Variants in TRPC5 observed in about 807,000 individuals in gnomAD.
TRPC5 encodes short transient receptor potential channel 5.
A neutral mutation model predicts 56.5 loss-of-function variants in TRPC5; 9 were observed. That is an observed-to-expected ratio of 0.16 (90% confidence interval 0.10 to 0.28). The LOEUF is 0.28. Among genes scored for constraint, TRPC5 ranks in the 10% least tolerant of loss-of-function variants. The pLI, the probability that TRPC5 is intolerant of heterozygous loss-of-function variation, is 1.00. For synonymous variants in TRPC5, 282 were observed against 278.5 expected, an observed-to-expected ratio of 1.01 and a Z score of -0.13; for missense variants, 469 against 748.9, an observed-to-expected ratio of 0.63 and a Z score of 4.36.
chrX:111,989,836 A>G (rs1045700083), intron 1 of TRPC5, among the ~76,000 whole-genome samples: 1 of 112,351 alleles, frequency 8.9e-6, no homozygotes, highest in Non-Finnish European at 1.9e-5. Context: ...TATCTTTGAA[A>G]CAAATTAAAA....
At chrX:111,888,381 A>G (rs1322557506) in intron 3 of TRPC5, among the ~76,000 whole-genome samples, 2 of 109,420 alleles carry the variant, frequency 1.8e-5, no homozygotes, top group Non-Finnish European at 3.8e-5. Context: ...GTCCTGTTGA[A>G]AAAGAGACTG....
At chrX:111,964,146 A>G (rs1158464515) in intron 1 of TRPC5, among the ~76,000 whole-genome samples, 1 of 112,358 alleles carries the variant, frequency 8.9e-6, no homozygotes, top group African/African-American at 3.2e-5. Context: ...GATGGAGCTG[A>G]AAGCCAAGGC....
At chrX:111,782,170 G>A in intron 7 of TRPC5, 32 bp from the exon 8 acceptor site, 1 of 1,143,510 alleles carries the variant, frequency 8.7e-7, no homozygotes, top group Non-Finnish European at 1.2e-6. Flanking sequence ...AAGGATTTGG[G>A]ATGGGAAACT....
At chrX:111,871,357 C>T (rs1240766330) in intron 3 of TRPC5, among the ~76,000 whole-genome samples, 1 of 110,312 alleles carries the variant, frequency 9.1e-6, no homozygotes, top group Admixed American at 9.7e-5. Flanking sequence ...ATGTGGGCTG[C>T]ATGCTCAAAG....
chrX:111,842,466 C>T (rs1014699544), intron 6 of TRPC5, among the ~76,000 whole-genome samples: 3 of 111,537 alleles, frequency 2.7e-5, no homozygotes, highest in African/African-American at 9.8e-5. Flanking sequence ...AAAATTTACA[C>T]ATTTTGGGTT....
At chrX:112,015,610 C>T (rs1929101888) in intron 1 of TRPC5, among the ~76,000 whole-genome samples, 1 of 111,311 alleles carries the variant, frequency 9.0e-6, no homozygotes, top group African/African-American at 3.3e-5. Flanking sequence ...GCACAATTCG[C>T]GTCATCCGGT....
Position 111,951,991 on chromosome X carries a change from C to G in TRPC5, c.378+52G>C, listed in dbSNP as rs933965787. ...CTTCCCTAGTTTCAGGGCTTCTGACCTGGTGCCCTGTTGTGCCTGGCTATT... is the reference window on the plus strand; with the variant it reads ...CTTCCCTAGTTTCAGGGCTTCTGACGTGGTGCCCTGTTGTGCCTGGCTATT... On this transcript the variant is annotated intron_variant, in intron 2 of 10. Transcript: ENST00000262839. 96 of 1,158,677 alleles carry G rather than the reference C, an allele frequency of 8.3e-5. No individual in the cohort carries two copies. The African/African-American group carries it at 1.5e-3, about 19-fold the overall frequency.
At chrX:111,933,938 G>A (rs1351798911) in intron 2 of TRPC5, among the ~76,000 whole-genome samples, 2 of 111,116 alleles carry the variant, frequency 1.8e-5, no homozygotes, top group African/African-American at 3.3e-5. Context: ...ATGGGGTACA[G>A]TGTGATCTTT....
chrX:111,920,533 T>C (rs1926100282), intron 2 of TRPC5, among the ~76,000 whole-genome samples: 1 of 111,239 alleles, frequency 9.0e-6, no homozygotes, highest in South Asian at 3.8e-4. Flanking sequence ...TTTACTAAAT[T>C]GTATCAGTTT....
At chrX:112,036,739 G>T (rs1929751877) in intron 1 of TRPC5, among the ~76,000 whole-genome samples, 1 of 111,406 alleles carries the variant, frequency 9.0e-6, no homozygotes, top group East Asian at 2.8e-4. Flanking sequence ...CTATTTTGCT[G>T]ATGTCACTCT....
intron 2 of TRPC5, among the ~76,000 whole-genome samples, chrX:111,948,746 AG>A (rs1365007209): frequency 2.7e-5 from 3 of 109,448 alleles, no homozygotes; most frequent in Non-Finnish European, 5.7e-5. Context: ...AAAAAAAAAA[AG>A]AAAAAAAGTG....
chrX:111,891,075 A>G (rs929441654), intron 3 of TRPC5, among the ~76,000 whole-genome samples: 2 of 112,230 alleles, frequency 1.8e-5, no homozygotes, highest in African/African-American at 3.2e-5. Context: ...ATAGTACTCC[A>G]TGGTGTATGT....
chrX:112,006,808 A>G (rs1398692542), intron 1 of TRPC5, among the ~76,000 whole-genome samples: 2 of 111,854 alleles, frequency 1.8e-5, no homozygotes, highest in African/African-American at 6.5e-5. Context: ...AATAAACACT[A>G]TGTGTAAGAT....
At chrX:112,032,106 A>G (rs934516314) in intron 1 of TRPC5, among the ~76,000 whole-genome samples, 2 of 111,216 alleles carry the variant, frequency 1.8e-5, no homozygotes, top group Non-Finnish European at 3.8e-5. Context: ...AGATTTCTCC[A>G]ATAAAGACAT....
At chrX:112,072,820 T>C (rs763462022) in intron 1 of TRPC5, among the ~76,000 whole-genome samples, 66 of 111,262 alleles carry the variant, frequency 5.9e-4, no homozygotes, top group African/African-American at 2.1e-3. Flanking sequence ...CTCTCTCTCT[T>C]AAACTTGGTG....
rs1418169195 is a variant in TRPC5, at chrX:111,937,953, C to T, written c.378+14090G>A. Reference sequence around the variant, plus strand: ...ACCTTGGGCAGTATGGCCATTTTCACGATATTGATTCTTCCTACCCATGAG... The same window carrying T: ...ACCTTGGGCAGTATGGCCATTTTCATGATATTGATTCTTCCTACCCATGAG... On this transcript the variant is annotated intron_variant, in intron 2 of 10. Transcript: ENST00000262839. Among the ~76,000 whole-genome samples, 14 of 92,219 alleles carry T rather than the reference C, an allele frequency of 1.5e-4. No individual in the cohort carries two copies. In the South Asian group the frequency reaches 5.8e-3, roughly 38 times the overall value. The allele number at this position is 92,219 out of a possible 115,157, so 80.1% of individuals were successfully genotyped here.
At position 111,768,695 on chromosome X, in the gene TRPC5, T is replaced by G. The variant is rs1361228493; in HGVS notation, c.*7618A>C. Among the ~76,000 whole-genome samples the G allele has an allele frequency of 8.9e-6, 1 of 111,874 alleles. No individual in the cohort carries two copies. The highest frequency in any genetic ancestry group is 1.9e-5 in the Non-Finnish European group (1 of 53,122). ...TTGAACACTTAATTTTAAAGTTAAT[T>G]TATCGAATTGAATTTCCTTTTACAT... On this transcript the variant is annotated 3_prime_UTR_variant, in exon 11 of 11. Coordinates refer to ENST00000262839, the MANE Select transcript of TRPC5 (RefSeq NM_012471.3).
intron 3 of TRPC5, among the ~76,000 whole-genome samples, chrX:111,865,445 G>A (rs1923523683): frequency 9.1e-6 from 1 of 109,303 alleles, no homozygotes; most frequent in Non-Finnish European, 1.9e-5. Flanking sequence ...TCCTGCCTCA[G>A]CCTCCTGAGT....
At chrX:112,033,083 G>C (rs1929627593) in intron 1 of TRPC5, among the ~76,000 whole-genome samples, 3 of 108,373 alleles carry the variant, frequency 2.8e-5, no homozygotes, top group African/African-American at 1.0e-4. Context: ...CATGGATGAA[G>C]CTGGAAACCA....
Sources: gnomAD v4.1 joint callset for allele counts (sites outside exome capture counted in the v4.1 genomes callset) on GRCh38, gnomAD v4.1.1 for gene constraint, MANE v1.5 for transcripts, NCBI Gene and HGNC (gene_info 2026-07-23, HGNC 2026-07-21) for gene names.